The following PDGFD variants were observed in gnomAD, a reference collection of about 807,000 sequenced individuals.
The protein encoded by PDGFD is platelet derived growth factor D.
PDGFD carries 30 observed loss-of-function variants against 44.7 expected under a neutral mutation model. The ratio of observed to expected loss-of-function variants is 0.67; its 90% CI spans 0.50 to 0.91. The LOEUF is 0.91. PDGFD is among the 40% of genes least tolerant of loss of function. The pLI, the probability that PDGFD is intolerant of heterozygous loss-of-function variation, is 0.00. For synonymous variants in PDGFD, 173 were observed against 168.4 expected, an observed-to-expected ratio of 1.03 and a Z score of -0.21; for missense variants, 445 against 457.8, an observed-to-expected ratio of 0.97 and a Z score of 0.25.
chr11:104,039,618 A>T (rs1417057162), intron 1 of PDGFD, among the ~76,000 whole-genome samples: 1 of 152,162 alleles, frequency 6.6e-6, no homozygotes, highest in Admixed American at 6.5e-5. Context: ...GAACTACTAA[A>T]AATGATCAAA....
chr11:103,909,501 G>T lies in PDGFD; in HGVS notation c.*193C>A. ...ATTAAATGCAATCCTATATTCTTAG[G>T]TATAGAAGTTGATGATATACCTTTC... is the stretch of plus-strand genomic sequence containing the variant. On this transcript the variant is annotated 3_prime_UTR_variant, in exon 7 of 7. Coordinates refer to ENST00000393158, the MANE Select transcript of PDGFD (RefSeq NM_025208.5). The T allele has an allele frequency of 1.6e-6, 1 of 615,144 alleles. No individual in the cohort carries two copies. The highest frequency in any genetic ancestry group is 2.9e-6 in the Non-Finnish European group (1 of 349,662). The allele number at this position is 615,144 out of a possible 1,614,324, so 38.1% of individuals were successfully genotyped here. A position where few individuals can be genotyped will look rare whatever the true frequency, so the allele number is the denominator to read the frequency against.
At chr11:104,141,397 TA>T (rs200320080) in intron 1 of PDGFD, among the ~76,000 whole-genome samples, 2,585 of 132,584 alleles carry the variant, frequency 0.019, 67 homozygotes, top group African/African-American at 0.075. Context: ...AGATTTAATT[TA>T]ATTTTTTTTT....
intron 1 of PDGFD, among the ~76,000 whole-genome samples, chr11:104,120,464 T>G (rs543923689): frequency 1.3e-5 from 2 of 151,936 alleles, no homozygotes; most frequent in East Asian, 3.9e-4. Flanking sequence ...TATTACAGAA[T>G]AGCATAAGTT....
At chr11:104,039,327 C>A (rs779531998) in intron 1 of PDGFD, 1 of 155,428 alleles carries the variant, frequency 6.4e-6, no homozygotes, top group Non-Finnish European at 1.5e-5. Context: ...ACCTCATTAT[C>A]TTAAAGGATC....
At chr11:104,015,948 C>T (rs1211336765) in intron 1 of PDGFD, among the ~76,000 whole-genome samples, 1 of 152,144 alleles carries the variant, frequency 6.6e-6, no homozygotes, top group African/African-American at 2.4e-5. Context: ...TCCAAAACCC[C>T]AACAGAAACA....
rs183561247 is a variant in PDGFD, at chr11:103,922,576, G to T, written c.987+4336C>A. 7.2e-5 allele frequency among the ~76,000 whole-genome samples: 11 copies of T among 152,036 alleles called. No individual in the cohort carries two copies. In the East Asian group the frequency reaches 1.7e-3, roughly 24 times the overall value. On this transcript the variant is annotated intron_variant, in intron 6 of 6. Coordinates refer to ENST00000393158, the MANE Select transcript of PDGFD (RefSeq NM_025208.5). Reference sequence around the variant, plus strand: ...CCCCCGCCTTTTTGTTTGAGATGTGGTCTTACTCTGTCACCCAGGCTAGAG... The same window carrying T: ...CCCCCGCCTTTTTGTTTGAGATGTGTTCTTACTCTGTCACCCAGGCTAGAG...
chr11:104,158,794 A>C (rs147191219), intron 1 of PDGFD, among the ~76,000 whole-genome samples: 1 of 151,994 alleles, frequency 6.6e-6, no homozygotes, highest in East Asian at 2.0e-4. Flanking sequence ...ATCTCGCCAC[A>C]GCACTTCAGC....
intron 1 of PDGFD, among the ~76,000 whole-genome samples, chr11:104,120,004 T>C (rs925244381): frequency 4.2e-5 from 6 of 143,992 alleles, no homozygotes; most frequent in Non-Finnish European, 9.0e-5. Flanking sequence ...AATTAATATA[T>C]TAATATTATC....
intron 3 of PDGFD, among the ~76,000 whole-genome samples, chr11:103,965,824 ACC>A (rs140798287): frequency 6.6e-6 from 1 of 151,758 alleles, no homozygotes; most frequent in Non-Finnish European, 1.5e-5. Flanking sequence ...AAAATGGAAA[ACC>A]CTGACACTTC....
At chr11:103,990,879 C>T (rs1859440614) in intron 3 of PDGFD, among the ~76,000 whole-genome samples, 1 of 152,084 alleles carries the variant, frequency 6.6e-6, no homozygotes, top group Non-Finnish European at 1.5e-5. Context: ...GTGGTTCACA[C>T]CTGTAATCCT....
At chr11:104,117,605 C>A (rs370124992) in intron 1 of PDGFD, among the ~76,000 whole-genome samples, 7 of 151,830 alleles carry the variant, frequency 4.6e-5, no homozygotes, top group East Asian at 1.9e-4. Context: ...AAGCAGAGAA[C>A]CAAATCAAGA....
intron 1 of PDGFD, among the ~76,000 whole-genome samples, chr11:104,012,628 TC>T (rs1308542717): frequency 6.6e-6 from 1 of 152,176 alleles, no homozygotes; most frequent in East Asian, 1.9e-4. Flanking sequence ...CATGGACTCT[TC>T]CCTAACGTGA....
intron 3 of PDGFD, among the ~76,000 whole-genome samples, chr11:103,978,854 T>G (rs551675571): frequency 5.3e-4 from 80 of 152,194 alleles, no homozygotes; most frequent in African/African-American, 1.9e-3. Context: ...AGCTCAATGC[T>G]ATTAAAATGG....
chr11:104,160,896 T>C (rs148198341), intron 1 of PDGFD, among the ~76,000 whole-genome samples: 78 of 152,228 alleles, frequency 5.1e-4, no homozygotes, highest in African/African-American at 1.6e-3. Flanking sequence ...AACCCTAACA[T>C]TATGTATTTC....
At position 104,000,255 on chromosome 11, in the gene PDGFD, T is replaced by C; in HGVS notation, c.125A>G (p.Glu42Gly). The change falls in exon 2 of 7, where the codon GAG (glutamate) becomes GGG (glycine). Residue 42 changes from glutamate to glycine, a missense_variant and splice_region_variant. By Grantham distance (98) the Glu-to-Gly change is moderately conservative. Coordinates refer to ENST00000393158, the MANE Select transcript of PDGFD (RefSeq NM_025208.5). The stretch of plus-strand genomic sequence containing the variant: ...GTACAAGTCTGTGAGGTGATTGCTC[T>C]CTGTTAGTAGTCACAACTTGTAGAA... ...ALRNANLRRD[E>G]SNHLTDLYRR... is the part of the protein sequence containing the mutation. 1.2e-6 allele frequency: 2 copies of C among 1,613,022 alleles called. No individual in the cohort carries two copies. Among genetic ancestry groups the C allele is most frequent in the Non-Finnish European group, 1.7e-6 (2 of 1,179,158 alleles).
intron 6 of PDGFD, among the ~76,000 whole-genome samples, chr11:103,925,644 ACTCT>A (rs1165724093): frequency 2.0e-4 from 25 of 126,286 alleles, no homozygotes; most frequent in South Asian, 7.7e-4. Context: ...TCTTCAGTCT[ACTCT>A]CTCTCTCTCT....
At chr11:103,997,972 G>T (rs367861972) in intron 2 of PDGFD, among the ~76,000 whole-genome samples, 1 of 151,900 alleles carries the variant, frequency 6.6e-6, no homozygotes, top group Non-Finnish European at 1.5e-5. Context: ...TTGATTAATG[G>T]TTCAGAAAGG....
intron 1 of PDGFD, among the ~76,000 whole-genome samples, chr11:104,059,347 C>T (rs572699195): frequency 3.3e-5 from 5 of 152,130 alleles, no homozygotes; most frequent in African/African-American, 9.6e-5. Context: ...AATAAAAAGC[C>T]TTTTTCTTAA....
At chr11:104,102,247 C>A (rs1054559921) in intron 1 of PDGFD, among the ~76,000 whole-genome samples, 14 of 152,100 alleles carry the variant, frequency 9.2e-5, no homozygotes, top group East Asian at 3.9e-4. Flanking sequence ...AACAAAGAAC[C>A]CCATCAAAAA....
Sources: gnomAD v4.1 joint callset for allele counts (sites outside exome capture counted in the v4.1 genomes callset) on GRCh38, gnomAD v4.1.1 for gene constraint, MANE v1.5 for transcripts, NCBI Gene and HGNC (gene_info 2026-07-23, HGNC 2026-07-21) for gene names.